PLEKHG1: variants seen among roughly 807,000 people sequenced by gnomAD.
The protein encoded by PLEKHG1 is pleckstrin homology and RhoGEF domain containing G1, also known as pleckstrin homology domain-containing family G member 1.
Under a neutral mutation model 100.8 loss-of-function variants are expected in PLEKHG1, and 44 were observed. The ratio of observed to expected loss-of-function variants is 0.44; its 90% CI spans 0.34 to 0.56. The LOEUF is 0.56. Ranked by LOEUF, PLEKHG1 falls within the 20% of genes least tolerant of loss-of-function variation. The pLI, the probability that PLEKHG1 is intolerant of heterozygous loss-of-function variation, is 0.01. For synonymous variants in PLEKHG1, 640 were observed against 662.5 expected, an observed-to-expected ratio of 0.97 and a Z score of 0.52; for missense variants, 1,545 against 1,720.9, an observed-to-expected ratio of 0.90 and a Z score of 1.81.
chr6:150,707,257 G>C (rs1225914132), intron 3 of PLEKHG1, among the ~76,000 whole-genome samples: 1 of 151,812 alleles, frequency 6.6e-6, no homozygotes, highest in Non-Finnish European at 1.5e-5. Flanking sequence ...ACCTACCTCA[G>C]CCTCCCAAAG....
chr6:150,768,730 C>T (rs1476355803), exon 3 of PLEKHG1: 2 of 1,538,282 alleles, frequency 1.3e-6, no homozygotes, highest in South Asian at 2.2e-5. Context: ...ATATCTACCA[C>T]TTCAATAGGT....
chr6:150,756,348 C>G (rs1179368670), intron 2 of PLEKHG1, among the ~76,000 whole-genome samples: 1 of 152,178 alleles, frequency 6.6e-6, no homozygotes, highest in African/African-American at 2.4e-5. Flanking sequence ...GGTTAAGATT[C>G]TTCTGTGATG....
At chr6:150,685,423 AAG>A (rs1780087186) in intron 3 of PLEKHG1, among the ~76,000 whole-genome samples, 1 of 152,150 alleles carries the variant, frequency 6.6e-6, no homozygotes, top group Non-Finnish European at 1.5e-5. Flanking sequence ...TCCCGTGGAA[AAG>A]AGGAATCCCA....
At chr6:150,733,851 T>G (rs1405904350) in exon 2 of PLEKHG1, 1 of 1,614,206 alleles carries the variant, frequency 6.2e-7, no homozygotes, top group Admixed American at 1.7e-5. Context: ...CTGGAGCTGA[T>G]TCCTGCCAGG....
intron 15 of PLEKHG1, among the ~76,000 whole-genome samples, chr6:150,836,303 G>T (rs1404470834): frequency 1.3e-5 from 2 of 151,992 alleles, no homozygotes; most frequent in African/African-American, 2.4e-5. Flanking sequence ...GCTTGAACCT[G>T]GGAAGTGGAA....
At chr6:150,786,049 A>G (rs552896113) in intron 3 of PLEKHG1, among the ~76,000 whole-genome samples, 99 of 152,048 alleles carry the variant, frequency 6.5e-4, no homozygotes, top group African/African-American at 2.3e-3. Flanking sequence ...TTCCTAGTAC[A>G]GGTACACTGT....
rs116746059 is a variant in PLEKHG1 at position 150,726,973 on chromosome 6, T to A, written c.-99+5773T>A. ...TCAGTTGTTTACAACGTTGAGGCTC[T>A]AACAAAACTGCGCTGTATATTAAAC... On this transcript the variant is annotated intron_variant, in intron 1 of 15. Coordinates refer to ENST00000358517, the Ensembl canonical transcript of PLEKHG1. 6.7e-3 allele frequency among the ~76,000 whole-genome samples: 1,025 copies of A among 152,358 alleles called. 15 individuals carry two copies. Among genetic ancestry groups the A allele is most frequent in the African/African-American group, 0.023 (961 of 41,590 alleles).
At chr6:150,610,851 T>G (rs1306020473) in intron 1 of PLEKHG1, among the ~76,000 whole-genome samples, 1 of 152,262 alleles carries the variant, frequency 6.6e-6, no homozygotes. Context: ...TGGTTTATTG[T>G]AGAGTTGCAA....
intron 4 of PLEKHG1, among the ~76,000 whole-genome samples, chr6:150,789,675 G>T (rs1785851481): frequency 6.6e-6 from 1 of 152,170 alleles, no homozygotes; most frequent in Non-Finnish European, 1.5e-5. Context: ...GTCCAAAATT[G>T]TAAGGAAAGT....
intron 2 of PLEKHG1, among the ~76,000 whole-genome samples, chr6:150,641,022 T>C (rs1473411104): frequency 6.6e-6 from 1 of 152,138 alleles, no homozygotes; most frequent in Non-Finnish European, 1.5e-5. Flanking sequence ...TAGAGAATGC[T>C]CTAGCTTATC....
At chr6:150,709,854 C>G (rs1374044007) in intron 3 of PLEKHG1, among the ~76,000 whole-genome samples, 1 of 152,124 alleles carries the variant, frequency 6.6e-6, no homozygotes, top group Non-Finnish European at 1.5e-5. Flanking sequence ...TGGTACAACA[C>G]AGCTCACTGC....
In PLEKHG1 at chr6:150,831,765, G is replaced by A. The variant is rs139111963; in HGVS notation, c.2654G>A (p.Gly885Glu). 6.2e-7 allele frequency: 1 copy of A among 1,613,718 alleles called. No homozygotes were observed. The highest frequency in any genetic ancestry group is 8.5e-7 in the Non-Finnish European group (1 of 1,180,014). The change falls in exon 15 of 16, where the codon GGG becomes GAG. Residue 885 changes from glycine to glutamate, a missense_variant. Gly to Glu is a moderately conservative substitution (Grantham distance 98). Transcript: ENST00000358517. The surrounding 1 kb of genome is among the most constrained non-coding windows in gnomAD (Gnocchi z 4.1). ...ACCCCTGAGCTGAGCCGGGACGTGG[G>A]GCGCTCTGTGTCCACGCTGTCCCTG...
intron 2 of PLEKHG1, among the ~76,000 whole-genome samples, chr6:150,767,580 G>A (rs1473616551): frequency 6.6e-6 from 1 of 152,136 alleles, no homozygotes; most frequent in Non-Finnish European, 1.5e-5. Context: ...GAATGAAGGT[G>A]GATTAATAAA....
intron 3 of PLEKHG1, among the ~76,000 whole-genome samples, chr6:150,709,260 A>G (rs1157069531): frequency 2.0e-5 from 3 of 152,166 alleles, no homozygotes; most frequent in African/African-American, 7.2e-5. Flanking sequence ...ACTTGAACCC[A>G]GGAGGTGGAG....
intron 3 of PLEKHG1, among the ~76,000 whole-genome samples, chr6:150,659,918 A>G (rs1386509256): frequency 1.3e-5 from 2 of 152,208 alleles, no homozygotes; most frequent in African/African-American, 2.4e-5. Context: ...GGTGCCTTAC[A>G]TGTAACTACT....
intron 4 of PLEKHG1, among the ~76,000 whole-genome samples, chr6:150,787,771 G>A (rs1353475432): frequency 6.6e-6 from 1 of 152,062 alleles, no homozygotes; most frequent in Non-Finnish European, 1.5e-5. Context: ...CAATCCATGG[G>A]CTTATATGTA....
chr6:150,728,181 T>C (rs147780678), intron 1 of PLEKHG1, among the ~76,000 whole-genome samples: 2 of 152,320 alleles, frequency 1.3e-5, no homozygotes, highest in African/African-American at 4.8e-5. Context: ...GATAAAGAGG[T>C]AAATTTAAAT....
intron 2 of PLEKHG1, 113 bp downstream of exon 3, chr6:150,734,205 G>A: frequency 2.9e-6 from 3 of 1,049,580 alleles, no homozygotes; most frequent in Non-Finnish European, 4.2e-6. Flanking sequence ...GAAGGGATGT[G>A]AATGTTTAAA....
At chr6:150,764,285 A>G (rs1784344803) in intron 2 of PLEKHG1, among the ~76,000 whole-genome samples, 1 of 151,484 alleles carries the variant, frequency 6.6e-6, no homozygotes, top group Admixed American at 6.6e-5. Context: ...TGCCCCGCTA[A>G]ATTTTGTATT....
Sources: gnomAD v4.1 joint callset for allele counts (sites outside exome capture counted in the v4.1 genomes callset) on GRCh38, gnomAD v4.1.1 for gene constraint, Gnocchi (gnomAD v3.1) non-coding constraint, MANE v1.5 for transcripts, NCBI Gene and HGNC (gene_info 2026-07-23, HGNC 2026-07-21) for gene names.